SMARCA2: variants seen among roughly 807,000 people sequenced by gnomAD.
The protein encoded by SMARCA2 is SWI/SNF-related matrix-associated actin-dependent regulator of chromatin subfamily A member 2.
SMARCA2 carries 61 observed loss-of-function variants against 199.8 expected under a neutral mutation model. That is an observed-to-expected ratio of 0.31 (90% confidence interval 0.25 to 0.38). The LOEUF (loss-of-function observed/expected upper bound fraction) is 0.38. SMARCA2 is among the 10% of genes least tolerant of loss of function. SMARCA2 has a pLI of 1.00. For missense variants in SMARCA2, 1,344 were observed against 2,012.2 expected (o/e 0.67, Z 6.35); for synonymous variants, 935 against 732.0 (o/e 1.28, Z -4.48).
chr9:2,173,293 G>C (rs1826356101), intron 29 of SMARCA2, among the ~76,000 whole-genome samples: 1 of 152,186 alleles, frequency 6.6e-6, no homozygotes, highest in Non-Finnish European at 1.5e-5. Flanking sequence ...TTGATGTTGT[G>C]ATGATGTTGT....
intron 32 of SMARCA2, 102 bp from the exon 33 acceptor site, chr9:2,191,163 TG>T: frequency 8.8e-7 from 1 of 1,132,048 alleles, no homozygotes; most frequent in Non-Finnish European, 1.3e-6. Context: ...CTGGGCACTC[TG>T]GGATGTTTGT....
intron 13 of SMARCA2, among the ~76,000 whole-genome samples, chr9:2,076,745 G>A (rs1045695687): frequency 3.3e-5 from 5 of 151,908 alleles, no homozygotes; most frequent in African/African-American, 1.2e-4. Flanking sequence ...CCAAGTGAGA[G>A]ACACCATTCC....
In SMARCA2 at chr9:2,119,771, T is replaced by C. The variant is rs1823373865; in HGVS notation, c.3762+236T>C. 6.6e-6 allele frequency among the ~76,000 whole-genome samples: 1 copy of C among 152,236 alleles called. No individual in the cohort carries two copies. Among genetic ancestry groups the C allele is most frequent in the South Asian group, 2.1e-4 (1 of 4,830 alleles). ...GCCAACATAAAAAAGAATCCTGATT[T>C]CTGGCTTCTCTTGAAAAATGAGATC... On this transcript the variant is annotated intron_variant, in intron 26 of 33. Coordinates refer to ENST00000349721, the MANE Select transcript of SMARCA2 (RefSeq NM_003070.5). This position sits in a 1 kb window ranked among gnomAD's most constrained non-coding sequence, Gnocchi z 4.6.
chr9:2,062,748 G>A (rs916552537), intron 9 of SMARCA2, among the ~76,000 whole-genome samples: 1 of 152,124 alleles, frequency 6.6e-6, no homozygotes, highest in Non-Finnish European at 1.5e-5. Context: ...GGGAGAAGGA[G>A]GGGTACAATG....
Position 2,017,422 on chromosome 9 carries a change from G to T in SMARCA2, c.-37+2018G>T, listed in dbSNP as rs977787323. 1.6e-4 allele frequency: 25 copies of T among 152,264 alleles called. No homozygotes were observed. Among genetic ancestry groups the T allele is most frequent in the African/African-American group, 5.6e-4 (23 of 41,404 alleles). 9.4% of individuals were successfully genotyped at this position (152,264 alleles called of 1,614,324 possible). On this transcript the variant is annotated intron_variant, in intron 1 of 33. Transcript: ENST00000349721. The surrounding 1 kb of genome is among the most constrained non-coding windows in gnomAD (Gnocchi z 8.8). ...GTGTGAGTGTGTGTTGTGCGCGCAG[G>T]AGCCAGTGCGTCGGGAGCAGCGGCT...
At chr9:2,117,815 C>G (rs1823277532) in intron 25 of SMARCA2, among the ~76,000 whole-genome samples, 2 of 152,214 alleles carry the variant, frequency 1.3e-5, no homozygotes, top group South Asian at 4.1e-4. Context: ...CCTGTCCCTT[C>G]TTGGCTGCCA....
intron 25 of SMARCA2, among the ~76,000 whole-genome samples, chr9:2,117,277 G>A (rs1187058363): frequency 6.6e-6 from 1 of 152,046 alleles, no homozygotes; most frequent in Non-Finnish European, 1.5e-5. Context: ...AAATTGAAGA[G>A]CACTTTTGTA....
rs1396389400 is a variant in SMARCA2 at position 2,087,377 on chromosome 9, A to G, written c.2769+306A>G. 1.6e-5 allele frequency: 5 copies of G among 305,552 alleles called. No individual in the cohort carries two copies. In the East Asian group the frequency reaches 2.6e-4, roughly 16 times the overall value. The allele number at this position is 305,552 out of a possible 1,614,324, so 18.9% of individuals were successfully genotyped here. ...GCAGTGGGCCACAGGGAGGATGAAC[A>G]TGGAGATATTTTGCTGAAGTAATTT... is the stretch of plus-strand genomic sequence containing the variant. On this transcript the variant is annotated intron_variant, in intron 18 of 33. Coordinates refer to ENST00000349721, the MANE Select transcript of SMARCA2 (RefSeq NM_003070.5).
intron 24 of SMARCA2, among the ~76,000 whole-genome samples, chr9:2,112,262 G>A (rs1244961105): frequency 6.6e-6 from 1 of 152,120 alleles, no homozygotes; most frequent in African/African-American, 2.4e-5. Context: ...GATTATCCTT[G>A]CTGGTACCTA....
At chr9:2,067,666 T>C (rs1228710375) in intron 9 of SMARCA2, among the ~76,000 whole-genome samples, 2 of 152,230 alleles carry the variant, frequency 1.3e-5, no homozygotes, top group African/African-American at 4.8e-5. Context: ...CTCAAGATCA[T>C]ACAGCTAAGA....
intron 27 of SMARCA2, among the ~76,000 whole-genome samples, chr9:2,149,028 A>G (rs1264910834): frequency 6.6e-6 from 1 of 151,594 alleles, no homozygotes; most frequent in Non-Finnish European, 1.5e-5. Flanking sequence ...AATATAGCTA[A>G]GTGTGTTTAT....
chr9:2,067,563 C>G (rs927698759), intron 9 of SMARCA2, among the ~76,000 whole-genome samples: 7 of 152,278 alleles, frequency 4.6e-5, no homozygotes, highest in African/African-American at 1.7e-4. Flanking sequence ...GAAATAGTGA[C>G]CCAGTCCTGC....
chr9:2,033,408 A>T (rs1032681646), intron 3 of SMARCA2, among the ~76,000 whole-genome samples: 1 of 152,184 alleles, frequency 6.6e-6, no homozygotes, highest in Admixed American at 6.5e-5. Context: ...AGAGAAGATA[A>T]AGCTGGACAA....
At chr9:2,054,564 G>T (rs1820265750) in intron 5 of SMARCA2, 33 bp from the exon 6 acceptor site, 3 of 1,597,090 alleles carry the variant, frequency 1.9e-6, no homozygotes, top group Non-Finnish European at 2.6e-6. Flanking sequence ...TTTTTCCCCT[G>T]CCCCCTTTTC....
rs1433445722 is a variant in SMARCA2 at position 2,054,584 on chromosome 9, T to C, written c.1047-13T>C. 1.2e-6 allele frequency: 2 copies of C among 1,606,336 alleles called. No homozygotes were observed. The highest frequency in any genetic ancestry group is 1.7e-6 in the Non-Finnish European group (2 of 1,175,754). On this transcript the variant is annotated splice_polypyrimidine_tract_variant and intron_variant, in intron 5 of 33. Coordinates refer to ENST00000349721, the MANE Select transcript of SMARCA2 (RefSeq NM_003070.5). ...CCCCTGCCCCCTTTTCCCCATTTTA[T>C]TGTTTCCTTTAGACTTCAGGCCCGC...
rs549197786 is a variant in SMARCA2, at chr9:2,016,353, G to T, written c.-37+949G>T. The T allele has an allele frequency of 1.3e-5, 2 of 152,424 alleles. No individual in the cohort carries two copies. Among genetic ancestry groups the T allele is most frequent in the South Asian group, 4.1e-4 (2 of 4,836 alleles). 9.4% of individuals were successfully genotyped at this position (152,424 alleles called of 1,614,324 possible). Reference sequence around the variant, plus strand: ...TCCGGCCCGGGCCGCACTGCTGGAGGGAAGGGAGGAGGCCCCCAAGGAGGT... The same window carrying T: ...TCCGGCCCGGGCCGCACTGCTGGAGTGAAGGGAGGAGGCCCCCAAGGAGGT... On this transcript the variant is annotated intron_variant, in intron 1 of 33. Transcript: ENST00000349721. The surrounding 1 kb of genome is among the most constrained non-coding windows in gnomAD (Gnocchi z 5.6).
intron 27 of SMARCA2, among the ~76,000 whole-genome samples, chr9:2,127,988 A>ATTG (rs951075509): frequency 6.6e-6 from 1 of 152,018 alleles, no homozygotes; most frequent in Non-Finnish European, 1.5e-5. Context: ...GGTATTTTAC[A>ATTG]TTGTTTTGAA....
Position 2,086,334 on chromosome 9 carries a change from A to G in SMARCA2, c.2527-495A>G, listed in dbSNP as rs1821803014. On this transcript the variant is annotated intron_variant, in intron 17 of 33. Transcript: ENST00000349721. The surrounding 1 kb of genome is among the most constrained non-coding windows in gnomAD (Gnocchi z 4.3). ...GTAGTAACCAGCCAGGCTAATAGAA[A>G]AGAAGGCATGGAGCCAAGAATATCT... 6.6e-6 allele frequency among the ~76,000 whole-genome samples: 1 copy of G among 152,230 alleles called. No individual in the cohort carries two copies. Among genetic ancestry groups the G allele is most frequent in the Non-Finnish European group, 1.5e-5 (1 of 68,030 alleles).
intron 27 of SMARCA2, among the ~76,000 whole-genome samples, chr9:2,126,838 T>C (rs1249789184): frequency 1.3e-5 from 2 of 152,248 alleles, no homozygotes; most frequent in Non-Finnish European, 1.5e-5. Flanking sequence ...AACTACCTTT[T>C]TGTCTGTGTA....
Sources: gnomAD v4.1 joint callset for allele counts (sites outside exome capture counted in the v4.1 genomes callset) on GRCh38, gnomAD v4.1.1 for gene constraint, Gnocchi (gnomAD v3.1) non-coding constraint, MANE v1.5 for transcripts, NCBI Gene and HGNC (gene_info 2026-07-23, HGNC 2026-07-21) for gene names.